ZNF385D: variants seen among roughly 807,000 people sequenced by gnomAD.
ZNF385D encodes zinc finger protein 659.
ZNF385D carries 15 observed loss-of-function variants against 35.8 expected under a neutral mutation model. That is an observed-to-expected ratio of 0.42 (90% CI 0.28 to 0.64). ZNF385D has a LOEUF of 0.64. Ranked by LOEUF, ZNF385D falls within the 30% of genes least tolerant of loss-of-function variation. ZNF385D has a pLI of 0.23. For missense variants in ZNF385D, 474 were observed against 494.6 expected (o/e 0.96, Z 0.39); for synonymous variants, 212 against 186.8 (o/e 1.13, Z -1.10).
At chr3:22,270,377 A>G (rs1434627917) in intron 2 of ZNF385D, among the ~76,000 whole-genome samples, 1 of 152,000 alleles carries the variant, frequency 6.6e-6, no homozygotes, top group Non-Finnish European at 1.5e-5. Context: ...CATTTTGATA[A>G]TAGAGAAGCC....
intron 2 of ZNF385D, among the ~76,000 whole-genome samples, chr3:22,277,727 G>A (rs1344038247): frequency 6.6e-6 from 1 of 152,080 alleles, no homozygotes; most frequent in Non-Finnish European, 1.5e-5. Context: ...AAGATCTGAT[G>A]AAACAACAGG....
intron 1 of ZNF385D, among the ~76,000 whole-genome samples, chr3:21,682,215 T>TCTCTCTCTCTCTCTCTCTCTCTCCC (rs1553636604): frequency 2.6e-5 from 4 of 151,088 alleles, no homozygotes; most frequent in African/African-American, 9.7e-5. Context: ...GTTTTTAGTT[T>TCTCTCTCTCTCTCTCTCTCTCTCCC]AGCTTTGTCC....
chr3:21,628,829 C>G (rs1482823938), intron 2 of ZNF385D, among the ~76,000 whole-genome samples: 1 of 152,048 alleles, frequency 6.6e-6, no homozygotes, highest in African/African-American at 2.4e-5. Flanking sequence ...AGCTAAATTT[C>G]TATAGCACTT....
intron 3 of ZNF385D, among the ~76,000 whole-genome samples, chr3:21,763,686 T>G (rs1293100450): frequency 6.6e-6 from 1 of 152,126 alleles, no homozygotes; most frequent in Non-Finnish European, 1.5e-5. Context: ...TCATACTCTC[T>G]GGAGGAAAAA....
intron 3 of ZNF385D, among the ~76,000 whole-genome samples, chr3:22,098,868 T>C (rs1701773323): frequency 6.6e-6 from 1 of 152,014 alleles, no homozygotes; most frequent in African/African-American, 2.4e-5. Context: ...AAAATACAAT[T>C]AGGCAAAAGC....
chr3:22,045,277 A>G (rs1698918885), intron 3 of ZNF385D, among the ~76,000 whole-genome samples: 1 of 152,130 alleles, frequency 6.6e-6, no homozygotes, highest in South Asian at 2.1e-4. Context: ...AATGGGGTGC[A>G]ATATAGGGAT....
chr3:22,238,364 T>C (rs1270105595), intron 2 of ZNF385D, among the ~76,000 whole-genome samples: 3 of 151,150 alleles, frequency 2.0e-5, no homozygotes, highest in Non-Finnish European at 4.4e-5. Context: ...AGTTGGGACT[T>C]TGATAGAGAT....
intron 2 of ZNF385D, among the ~76,000 whole-genome samples, chr3:21,602,865 G>A (rs1328126508): frequency 1.3e-5 from 2 of 151,944 alleles, no homozygotes; most frequent in Non-Finnish European, 2.9e-5. Flanking sequence ...AACAGAACTC[G>A]GCCCACATGC....
intron 3 of ZNF385D, among the ~76,000 whole-genome samples, chr3:21,550,688 G>C (rs1056205534): frequency 2.6e-5 from 4 of 152,062 alleles, no homozygotes; most frequent in African/African-American, 4.8e-5. Context: ...TCACCATGTT[G>C]GTCAGGCTGG....
intron 2 of ZNF385D, among the ~76,000 whole-genome samples, chr3:21,644,180 T>C (rs2065685038): frequency 2.0e-5 from 3 of 152,174 alleles, no homozygotes; most frequent in African/African-American, 7.2e-5. Context: ...ATATTTCTGA[T>C]TACAAAAACA....
At chr3:22,102,289 T>C (rs1363207461) in intron 3 of ZNF385D, among the ~76,000 whole-genome samples, 1 of 152,012 alleles carries the variant, frequency 6.6e-6, no homozygotes, top group African/African-American at 2.4e-5. Flanking sequence ...TTTCACTTCA[T>C]TCCTCTAGTT....
intron 4 of ZNF385D, among the ~76,000 whole-genome samples, chr3:21,501,946 T>C (rs1706399664): frequency 1.3e-5 from 2 of 152,188 alleles, no homozygotes; most frequent in Non-Finnish European, 2.9e-5. Flanking sequence ...AGGTACTTTA[T>C]AGATGTAAAA....
At chr3:22,034,021 C>A (rs910564422) in intron 3 of ZNF385D, among the ~76,000 whole-genome samples, 1 of 152,158 alleles carries the variant, frequency 6.6e-6, no homozygotes, top group Non-Finnish European at 1.5e-5. Context: ...GTCCTGCTTT[C>A]AGAGAACCCT....
At position 21,569,081 on chromosome 3, in the gene ZNF385D, CT is replaced by C. The variant is rs2063241840; in HGVS notation, c.166-4398del. On this transcript the variant is annotated intron_variant, in intron 2 of 7. Transcript: ENST00000281523. ...GGTCTGTAGATGTCTATTAGGTCCGCTTGGTGCAGAGCTGAGTTCAATTCCT... is the reference window on the plus strand; with the variant it reads ...GGTCTGTAGATGTCTATTAGGTCCGCTGGTGCAGAGCTGAGTTCAATTCCT... Among the ~76,000 whole-genome samples the C allele has an allele frequency of 2.0e-5, 3 of 152,254 alleles. No individual in the cohort carries two copies. In the South Asian group the frequency reaches 6.2e-4, roughly 32 times the overall value.
chr3:21,940,475 C>G (rs1349598790), intron 3 of ZNF385D, among the ~76,000 whole-genome samples: 1 of 152,184 alleles, frequency 6.6e-6, no homozygotes, highest in Non-Finnish European at 1.5e-5. Flanking sequence ...TGCAATGTTA[C>G]ATCTGGGTAT....
chr3:21,705,249 G>A (rs1158120049), intron 1 of ZNF385D, among the ~76,000 whole-genome samples: 1 of 152,074 alleles, frequency 6.6e-6, no homozygotes, highest in Non-Finnish European at 1.5e-5. Context: ...CCAAATCCCT[G>A]CTTAATAAAA....
chr3:21,991,124 C>T (rs775823438), intron 3 of ZNF385D, among the ~76,000 whole-genome samples: 7 of 152,072 alleles, frequency 4.6e-5, no homozygotes, highest in Non-Finnish European at 7.4e-5. Context: ...AAACTAATTA[C>T]GGTGAGGGAG....
intron 1 of ZNF385D, among the ~76,000 whole-genome samples, chr3:21,666,815 C>T (rs545318490): frequency 5.9e-5 from 9 of 152,254 alleles, no homozygotes; most frequent in South Asian, 2.1e-4. Context: ...TGGTGGCTCA[C>T]GCCTGTAATC....
rs34151851 is a variant in ZNF385D at position 21,584,198 on chromosome 3, C to CAA, written c.166-19516_166-19515dup. On this transcript the variant is annotated intron_variant, in intron 2 of 7. Coordinates refer to ENST00000281523, the MANE Select transcript of ZNF385D (RefSeq NM_024697.3). ...CATCTCAGTTTGGCCAGGCTGGTCT[C>CAA]AAAGTCCTGACCTCAAGTGATCCGC... Among the ~76,000 whole-genome samples, 36 of 151,838 alleles carry CAA rather than the reference C, an allele frequency of 2.4e-4. No individual in the cohort carries two copies. The East Asian group carries it at 3.1e-3, about 13-fold the overall frequency.
Sources: gnomAD v4.1 joint callset for allele counts (sites outside exome capture counted in the v4.1 genomes callset) on GRCh38, gnomAD v4.1.1 for gene constraint, MANE v1.5 for transcripts, NCBI Gene and HGNC (gene_info 2026-07-23, HGNC 2026-07-21) for gene names.